Variants in DACH2 observed in about 807,000 individuals in gnomAD.
The protein encoded by DACH2 is dachshund homolog 2.
DACH2 carries 17 observed loss-of-function variants against 35.8 expected under a neutral mutation model. The ratio of observed to expected loss-of-function variants is 0.48; its 90% CI spans 0.33 to 0.71. The LOEUF (loss-of-function observed/expected upper bound fraction) is 0.71. Ranked by LOEUF, DACH2 falls within the 30% of genes least tolerant of loss-of-function variation. The pLI, the probability that DACH2 is intolerant of heterozygous loss-of-function variation, is 0.02. For synonymous variants in DACH2, 195 were observed against 177.3 expected (o/e 1.10, Z -0.79); for missense variants, 469 against 472.7 (o/e 0.99, Z 0.07).
intron 2 of DACH2, among the ~76,000 whole-genome samples, chrX:86,382,188 G>A (rs1325664331): frequency 9.2e-6 from 1 of 108,940 alleles, no homozygotes; most frequent in Non-Finnish European, 1.9e-5. Context: ...GCCTCAGGAG[G>A]TCCTGAGACA....
chrX:86,498,368 T>C (rs2148253625), intron 2 of DACH2, among the ~76,000 whole-genome samples: 1 of 112,415 alleles, frequency 8.9e-6, no homozygotes, highest in South Asian at 3.6e-4. Context: ...AACAGGCAAA[T>C]AAAATTAAGT....
chrX:86,804,875 G>A (rs1181632526), intron 7 of DACH2, among the ~76,000 whole-genome samples: 2 of 71,374 alleles, frequency 2.8e-5, no homozygotes, highest in Non-Finnish European at 5.9e-5. Flanking sequence ...GCCTTGGGCA[G>A]ATCTGCCCCT....
intron 1 of DACH2, among the ~76,000 whole-genome samples, chrX:86,270,042 T>A (rs867265430): frequency 0.035 from 3,526 of 100,220 alleles, 190 homozygotes; most frequent in African/African-American, 0.12. Flanking sequence ...TATATATATT[T>A]TTTTTTTTTC....
rs2038648121 is a variant in DACH2, at chrX:86,527,324, C to A, written c.640+12933C>A. ...TCAAGATAGTGAGCATACTCATTTT[C>A]TCAACCTTTCTATTACTACACCCTT... On this transcript the variant is annotated intron_variant, in intron 3 of 11. Coordinates refer to ENST00000373125, the MANE Select transcript of DACH2 (RefSeq NM_053281.3). Among the ~76,000 whole-genome samples, 3 of 111,777 alleles carry A rather than the reference C, an allele frequency of 2.7e-5. No individual in the cohort carries two copies. In the South Asian group the frequency reaches 1.1e-3, roughly 42 times the overall value.
intron 1 of DACH2, among the ~76,000 whole-genome samples, chrX:86,314,738 A>G (rs2034864873): frequency 8.9e-6 from 1 of 112,152 alleles, no homozygotes; most frequent in Non-Finnish European, 1.9e-5. Flanking sequence ...TGGTCTGGCT[A>G]GATCAAATCA....
rs576445035 is a variant in DACH2, at chrX:86,195,408, G to A, written c.488+46300G>A. ...CTGTGGCACACAGAGAAAGCACACA[G>A]ACCTATGCCCACCAGCACCCAGTCC... On this transcript the variant is annotated intron_variant, in intron 1 of 11. Coordinates refer to ENST00000373125, the MANE Select transcript of DACH2 (RefSeq NM_053281.3). Among the ~76,000 whole-genome samples, 16 of 111,070 alleles carry A rather than the reference G, an allele frequency of 1.4e-4. No individual in the cohort carries two copies. In the South Asian group the frequency reaches 5.4e-3, roughly 37 times the overall value.
intron 7 of DACH2, among the ~76,000 whole-genome samples, chrX:86,797,506 T>C (rs775560154): frequency 4.5e-5 from 5 of 111,087 alleles, no homozygotes; most frequent in African/African-American, 1.6e-4. Context: ...AAGTGAAACA[T>C]GTCTGTAGTG....
intron 2 of DACH2, among the ~76,000 whole-genome samples, chrX:86,425,091 G>T (rs2036869931): frequency 9.0e-6 from 1 of 110,613 alleles, no homozygotes; most frequent in Non-Finnish European, 1.9e-5. Flanking sequence ...TTTTGTTTAG[G>T]ATTTTTGCAT....
At chrX:86,300,406 T>C (rs1291841537) in intron 1 of DACH2, among the ~76,000 whole-genome samples, 2 of 111,298 alleles carry the variant, frequency 1.8e-5, no homozygotes, top group Non-Finnish European at 3.8e-5. Flanking sequence ...TTATTAGTAT[T>C]CCAGTTCTTA....
intron 3 of DACH2, among the ~76,000 whole-genome samples, chrX:86,591,530 G>C (rs1345649514): frequency 9.5e-5 from 9 of 94,725 alleles, no homozygotes; most frequent in African/African-American, 4.0e-4. Flanking sequence ...TGTCTACTCA[G>C]TTCTTTGGCT....
intron 6 of DACH2, among the ~76,000 whole-genome samples, chrX:86,720,692 A>G (rs971320392): frequency 2.7e-5 from 3 of 111,908 alleles, no homozygotes; most frequent in African/African-American, 6.5e-5. Flanking sequence ...TGGATCTAAC[A>G]TTCCATGGTC....
In DACH2 at chrX:86,227,578, C is replaced by T. The variant is rs188838529; in HGVS notation, c.488+78470C>T. 1.6e-4 allele frequency among the ~76,000 whole-genome samples: 18 copies of T among 110,619 alleles called. No homozygotes were observed. In the East Asian group the frequency reaches 4.8e-3, roughly 30 times the overall value. Reference sequence around the variant, plus strand: ...AATTCCCAGCATTAGGCAACCCCCTCGCCCATCTTGGCATTCACACCTCTG... The same window carrying T: ...AATTCCCAGCATTAGGCAACCCCCTTGCCCATCTTGGCATTCACACCTCTG... On this transcript the variant is annotated intron_variant, in intron 1 of 11. Transcript: ENST00000373125.
At chrX:86,754,743 G>A (rs1320722991) in intron 7 of DACH2, among the ~76,000 whole-genome samples, 3 of 111,447 alleles carry the variant, frequency 2.7e-5, no homozygotes, top group Non-Finnish European at 5.7e-5. Context: ...CCATGTTGTG[G>A]TAAATAAGAT....
At chrX:86,678,297 A>C (rs1449597259) in intron 4 of DACH2, among the ~76,000 whole-genome samples, 2 of 112,383 alleles carry the variant, frequency 1.8e-5, no homozygotes, top group African/African-American at 6.5e-5. Context: ...TTCTGTATTC[A>C]AAGACAAAAT....
chrX:86,237,430 T>C (rs1337987728), intron 1 of DACH2, among the ~76,000 whole-genome samples: 3 of 111,970 alleles, frequency 2.7e-5, no homozygotes, highest in Non-Finnish European at 5.6e-5. Context: ...AGTAGGTTTT[T>C]TTACACCAGC....
chrX:86,229,100 G>A (rs1389540591), intron 1 of DACH2, among the ~76,000 whole-genome samples: 1 of 111,476 alleles, frequency 9.0e-6, no homozygotes, highest in African/African-American at 3.3e-5. Flanking sequence ...ACAGTTTTAG[G>A]TCTTAGGTTT....
intron 3 of DACH2, among the ~76,000 whole-genome samples, chrX:86,526,802 A>G (rs1377320088): frequency 9.9e-6 from 1 of 101,215 alleles, no homozygotes; most frequent in Non-Finnish European, 2.0e-5. Flanking sequence ...TAGAATTCCC[A>G]GACTAAATTA....
chrX:86,316,540 A>G lies in DACH2; in HGVS notation c.489-60284A>G, dbSNP rs941065288. On this transcript the variant is annotated intron_variant, in intron 1 of 11. Transcript: ENST00000373125. ...TCTGCAGGGGACTCTTTTCACTTGAACTGTCTACCCAAATAATTTCTTTCT... is the reference window on the plus strand; with the variant it reads ...TCTGCAGGGGACTCTTTTCACTTGAGCTGTCTACCCAAATAATTTCTTTCT... 2.7e-5 allele frequency among the ~76,000 whole-genome samples: 3 copies of G among 111,342 alleles called. 1 individual carries two copies. The highest frequency in any genetic ancestry group is 8.3e-3 in the Middle Eastern group (2 of 240).
intron 3 of DACH2, among the ~76,000 whole-genome samples, chrX:86,532,706 A>C (rs2038740305): frequency 9.0e-6 from 1 of 111,332 alleles, no homozygotes; most frequent in Non-Finnish European, 1.9e-5. Flanking sequence ...TGTTAGAGAT[A>C]CTTATTGAGA....
Sources: allele counts gnomAD v4.1 joint callset (sites outside exome capture counted in the v4.1 genomes callset), GRCh38; gene constraint gnomAD v4.1.1; transcripts MANE v1.5; gene names NCBI Gene and HGNC (gene_info 2026-07-23, HGNC 2026-07-21).